Variants in ITGAD observed in about 807,000 individuals in gnomAD.
ITGAD encodes integrin subunit alpha D.
A neutral mutation model predicts 139.0 loss-of-function variants in ITGAD; 105 were observed. The ratio of observed to expected loss-of-function variants is 0.76; its 90% CI spans 0.65 to 0.89. The LOEUF (loss-of-function observed/expected upper bound fraction) is 0.89. ITGAD is among the 40% of genes least tolerant of loss of function. The pLI is 0.00. For synonymous variants in ITGAD, 569 were observed against 598.3 expected, an observed-to-expected ratio of 0.95 and a Z score of 0.71; for missense variants, 1,384 against 1,487.3, an observed-to-expected ratio of 0.93 and a Z score of 1.14.
chr16:31,418,179 T>C lies in ITGAD; in HGVS notation c.2604T>C (p.His868=). ...GCAGTGTCAACCACCCCATCTTCCA[T>C]GAGGGCTCTAACGTCAGTGCTTCTC... ...SRCSVNHPIF[H]EGSNGTFIVT... The change falls in exon 21 of 30, where the codon CAT becomes CAC. Residue 868 remains histidine (H), a synonymous_variant. Coordinates refer to ENST00000389202, the MANE Select transcript of ITGAD (RefSeq NM_005353.3). 1 of 1,614,014 alleles carries C rather than the reference T, an allele frequency of 6.2e-7. No individual in the cohort carries two copies. The highest frequency in any genetic ancestry group is 8.5e-7 in the Non-Finnish European group (1 of 1,179,876).
At chr16:31,398,977 A>T (rs1355798772) in intron 5 of ITGAD, among the ~76,000 whole-genome samples, 1 of 152,160 alleles carries the variant, frequency 6.6e-6, no homozygotes, top group African/African-American at 2.4e-5. Context: ...TTCACTGCTG[A>T]GCTTCCAGGA....
In ITGAD at chr16:31,417,212, ATT is replaced by A. The variant is rs1443779200; in HGVS notation, c.2499+568_2499+569del. Among the ~76,000 whole-genome samples the A allele has an allele frequency of 1.5e-3, 195 of 131,166 alleles. 1 individual carries two copies. Among genetic ancestry groups the A allele is most frequent in the African/African-American group, 5.8e-3 (193 of 33,208 alleles). The allele number at this position is 131,166 out of a possible 152,430, so 86.0% of individuals were successfully genotyped here. Reference sequence around the variant, plus strand: ...GTGCATGCCACTACGCCCAGCTAATATTTATTTATTTATTTATTTATTTATTT... The same window carrying A: ...GTGCATGCCACTACGCCCAGCTAATATATTTATTTATTTATTTATTTATTT... On this transcript the variant is annotated intron_variant, in intron 20 of 29. Transcript: ENST00000389202.
Position 31,416,303 on chromosome 16 carries a change from T to C in ITGAD, c.2357+17T>C, listed in dbSNP as rs772879643. On this transcript the variant is annotated intron_variant, in intron 19 of 29. Coordinates refer to ENST00000389202, the MANE Select transcript of ITGAD (RefSeq NM_005353.3). Reference sequence around the variant, plus strand: ...CTTCTCAGGGTGAGCTGTAACTCCCTTCATATCCAGACACTCAGGCTTCTG... The same window carrying C: ...CTTCTCAGGGTGAGCTGTAACTCCCCTCATATCCAGACACTCAGGCTTCTG... 2 of 1,589,674 alleles carry C rather than the reference T, an allele frequency of 1.3e-6. No homozygotes were observed. Among genetic ancestry groups the C allele is most frequent in the Non-Finnish European group, 1.7e-6 (2 of 1,164,076 alleles).
Position 31,423,151 on chromosome 16 carries a change from T to G in ITGAD, c.2818T>G (p.Ser940Ala). The change falls in exon 24 of 30, where the codon TCC (serine) becomes GCC (alanine). Residue 940 changes from serine to alanine, a missense_variant. Transcript: ENST00000389202. The stretch of plus-strand genomic sequence containing the variant: ...CACCAAGTACTTCAACTTTGCAACC[T>G]CCGATGAGAAGAAAATGAAAGAGGC... ...ESTKYFNFAT[S>A]DEKKMKEAEH... The G allele has an allele frequency of 3.7e-6, 6 of 1,614,080 alleles. No individual in the cohort carries two copies. Among genetic ancestry groups the G allele is most frequent in the Non-Finnish European group, 5.1e-6 (6 of 1,180,008 alleles).
rs1372622815 is a variant in ITGAD, at chr16:31,424,112, A to T, written c.3170A>T (p.Lys1057Met). The change falls in exon 28 of 30, where the codon AAG (lysine) becomes ATG (methionine). Residue 1057 changes from lysine (K) to methionine (M), a missense_variant. Transcript: ENST00000389202. ...SFGWVRETLQ[K>M]KVLVVSVAEI... ...CCAACCCCTTTGCAGACATTGCAGA[A>T]GAAGGTGTTGGTCGTGAGTGTGGCT... The T allele has an allele frequency of 1.2e-6, 2 of 1,614,204 alleles. No homozygotes were observed. Among genetic ancestry groups the T allele is most frequent in the Admixed American group, 3.3e-5 (2 of 60,034 alleles).
chr16:31,423,444 G>A lies in ITGAD; in HGVS notation c.2952G>A (p.Met984Ile), dbSNP rs1220435216. 1 of 1,613,940 alleles carries A rather than the reference G, an allele frequency of 6.2e-7. No individual in the cohort carries two copies. The highest frequency in any genetic ancestry group is 1.1e-5 in the South Asian group (1 of 91,078). ...GGGTGGCTGTGTGGGATGTGGTCAT[G>A]GAGGCCCCATCTCAGGTACCCGCCT... Reference protein sequence around the residue: ...LNGVAVWDVVMEAPSQSLPCV... With the variant: ...LNGVAVWDVVIEAPSQSLPCV... Residue 984 changes from methionine (M) to isoleucine (I), a missense_variant, in exon 25 of 30, where the codon ATG becomes ATA. Met to Ile is a conservative substitution (Grantham distance 10). Transcript: ENST00000389202.
intron 7 of ITGAD, 50 bp from the exon 8 acceptor site, chr16:31,407,465 C>G: frequency 6.7e-7 from 1 of 1,494,974 alleles, no homozygotes; most frequent in African/African-American, 1.4e-5. Context: ...TGATGTCTTT[C>G]CAGAATCAAT....
chr16:31,409,986 C>G (rs2081642085), intron 10 of ITGAD, among the ~76,000 whole-genome samples: 1 of 146,604 alleles, frequency 6.8e-6, no homozygotes, highest in Admixed American at 6.9e-5. Context: ...TCCCAGAAAA[C>G]AAGAAGGGGA....
intron 7 of ITGAD, chr16:31,404,108 T>C (rs2081478031): frequency 1.3e-5 from 2 of 157,918 alleles, no homozygotes; most frequent in Non-Finnish European, 2.8e-5. Context: ...AGGTGTCGGA[T>C]AAATGCCTGA....
intron 5 of ITGAD, among the ~76,000 whole-genome samples, chr16:31,401,896 A>G (rs1199314026): frequency 2.6e-5 from 4 of 152,184 alleles, no homozygotes; most frequent in Non-Finnish European, 4.4e-5. Context: ...TAAATGGATG[A>G]GGAGCCCACC....
intron 23 of ITGAD, among the ~76,000 whole-genome samples, chr16:31,420,403 G>C (rs1253288251): frequency 6.6e-6 from 1 of 151,308 alleles, no homozygotes; most frequent in African/African-American, 2.4e-5. Flanking sequence ...TGCTGCTATT[G>C]CTTTTTTTTT....
chr16:31,408,693 T>C, intron 10 of ITGAD, 195 bp downstream of exon 10: 2 of 563,498 alleles, frequency 3.5e-6, no homozygotes, highest in Non-Finnish European at 6.4e-6. Flanking sequence ...TCAAGGATCA[T>C]GTATTCTAGT....
intron 2 of ITGAD, 67 bp downstream of exon 2, chr16:31,394,408 G>T: frequency 8.0e-7 from 1 of 1,251,880 alleles, no homozygotes; most frequent in Non-Finnish European, 1.2e-6. Context: ...GTACACGTGG[G>T]TTACCCCAGG....
At chr16:31,414,419 C>A in intron 16 of ITGAD, 32 bp from the exon 17 acceptor site, 1 of 1,603,778 alleles carries the variant, frequency 6.2e-7, no homozygotes, top group South Asian at 1.1e-5. Context: ...TTATTTCTGC[C>A]TTTTCATTTT....
At chr16:31,422,625 C>A (rs948599981) in intron 23 of ITGAD, among the ~76,000 whole-genome samples, 1 of 152,102 alleles carries the variant, frequency 6.6e-6, no homozygotes, top group African/African-American at 2.4e-5. Context: ...AATGCAAACG[C>A]CTTTGCCCCA....
Position 31,426,219 on chromosome 16 carries a change from C to A in ITGAD, c.*91C>A, listed in dbSNP as rs181646897. The A allele has an allele frequency of 8.0e-4, 665 of 830,390 alleles. 17 individuals are homozygous for A. In the East Asian group the frequency reaches 0.018, roughly 22 times the overall value. The allele number at this position is 830,390 out of a possible 1,614,324, so 51.4% of individuals were successfully genotyped here. The stretch of plus-strand genomic sequence containing the variant: ...ACATGGAAACAACTTCTGCATAGAT[C>A]TGCACTGGCCTAAGCAACCTACCAG... On this transcript the variant is annotated 3_prime_UTR_variant, in exon 30 of 30. Transcript: ENST00000389202.
Position 31,397,454 on chromosome 16 carries a change from C to A in ITGAD, c.233C>A (p.Pro78Gln), listed in dbSNP as rs374336474. ...GCCACCGGCATGTGCCAGCCCATCC[C>A]GCTGCACAGTGAGTGACCACCTGGG... is the stretch of plus-strand genomic sequence containing the variant. ...AAATGMCQPI[P>Q]LHIRPEAVNM... Residue 78 changes from proline (P) to glutamine (Q), a missense_variant, in exon 3 of 30, where the codon CCG (proline) becomes CAG (glutamine). Physicochemically the swap from Pro to Gln is moderately conservative, Grantham distance 76 (BLOSUM62 -1). Transcript: ENST00000389202. 1 of 1,594,146 alleles carries A rather than the reference C, an allele frequency of 6.3e-7. No homozygotes were observed. The highest frequency in any genetic ancestry group is 8.5e-7 in the Non-Finnish European group (1 of 1,170,180).
At chr16:31,411,278 T>C (rs1425510428) in intron 13 of ITGAD, 30 bp from the exon 14 acceptor site, 4 of 1,607,730 alleles carry the variant, frequency 2.5e-6, no homozygotes, top group Non-Finnish European at 2.6e-6. Context: ...GTCACCTGGA[T>C]TGGGGTCTGA....
rs2082050465 is a variant in ITGAD at position 31,423,606 on chromosome 16, G to C, written c.3003G>C (p.Gln1001His). Residue 1001 changes from glutamine to histidine, a missense_variant, in exon 26 of 30, where the codon CAG (glutamine) becomes CAC (histidine). Transcript: ENST00000389202. Reference sequence around the variant, plus strand: ...GTGTTTCAGAGAGAAAACCTCCCCAGCATTCTGACTTCCTGACCCAGATTT... The same window carrying C: ...GTGTTTCAGAGAGAAAACCTCCCCACCATTCTGACTTCCTGACCCAGATTT... ...LPCVSERKPP[Q>H]HSDFLTQISR... is the part of the protein sequence containing the mutation. The C allele has an allele frequency of 6.2e-7, 1 of 1,614,098 alleles. No individual in the cohort carries two copies. Among genetic ancestry groups the C allele is most frequent in the Non-Finnish European group, 8.5e-7 (1 of 1,180,022 alleles).
Sources: allele counts gnomAD v4.1 joint callset (sites outside exome capture counted in the v4.1 genomes callset), GRCh38; gene constraint gnomAD v4.1.1; transcripts MANE v1.5; gene names NCBI Gene and HGNC (gene_info 2026-07-23, HGNC 2026-07-21).